The following GALNT10 variants were observed in gnomAD, a reference collection of about 807,000 sequenced individuals.
GALNT10 encodes the protein polypeptide N-acetylgalactosaminyltransferase 10.
Under a neutral mutation model 75.0 loss-of-function variants are expected in GALNT10, and 41 were observed. The observed-to-expected ratio is 0.55, with a 90% CI of 0.43 to 0.71. GALNT10 has a LOEUF of 0.71. Ranked by LOEUF, GALNT10 falls within the 30% of genes least tolerant of loss-of-function variation. GALNT10 has a pLI of 0.00. For missense variants in GALNT10, 727 were observed against 818.5 expected (o/e 0.89, Z 1.36); for synonymous variants, 302 against 313.0 (o/e 0.96, Z 0.37).
Position 154,416,727 on chromosome 5 carries a change from C to A in GALNT10, c.1654-87C>A. ...ACAGCTAGTCAGTCAGTCACTTCCT[C>A]ACTTTCTCATTGCTGGTATTGTTGC... is the stretch of plus-strand genomic sequence containing the variant. On this transcript the variant is annotated intron_variant, in intron 11 of 11. Transcript: ENST00000297107. The surrounding 1 kb of genome is among the most constrained non-coding windows in gnomAD (Gnocchi z 4.5). 1 of 958,404 alleles carries A rather than the reference C, an allele frequency of 1.0e-6. No homozygotes were observed. Among genetic ancestry groups the A allele is most frequent in the Non-Finnish European group, 1.7e-6 (1 of 597,862 alleles). The allele number at this position is 958,404 out of a possible 1,614,324, so 59.4% of individuals were successfully genotyped here. A position where few individuals can be genotyped will look rare whatever the true frequency, so the allele number is the denominator to read the frequency against.
intron 1 of GALNT10, among the ~76,000 whole-genome samples, chr5:154,254,565 G>C (rs1381059471): frequency 6.7e-6 from 1 of 150,192 alleles, no homozygotes; most frequent in Non-Finnish European, 1.5e-5. Context: ...ATTCCTGAAA[G>C]AGGGATAACA....
chr5:154,212,881 T>C (rs532146129), intron 1 of GALNT10, among the ~76,000 whole-genome samples: 1 of 150,652 alleles, frequency 6.6e-6, no homozygotes, highest in East Asian at 2.0e-4. Context: ...GGCAGGGGAA[T>C]GGCGTGAACC....
At chr5:154,382,360 T>C (rs755952524) in intron 6 of GALNT10, among the ~76,000 whole-genome samples, 6 of 152,254 alleles carry the variant, frequency 3.9e-5, no homozygotes, top group Admixed American at 6.5e-5. Context: ...AGTTGATCAC[T>C]ACTATTAGAT....
At chr5:154,363,347 A>G (rs1755420598) in intron 4 of GALNT10, among the ~76,000 whole-genome samples, 2 of 152,124 alleles carry the variant, frequency 1.3e-5, no homozygotes, top group Non-Finnish European at 2.9e-5. Context: ...AAGACTTTCC[A>G]TTTTAGAAAG....
At chr5:154,264,661 T>C (rs982244629) in intron 1 of GALNT10, among the ~76,000 whole-genome samples, 1 of 152,220 alleles carries the variant, frequency 6.6e-6, no homozygotes. Context: ...TAACACATAG[T>C]ATTTTTACAA....
chr5:154,296,220 G>C (rs1744740808), intron 2 of GALNT10, among the ~76,000 whole-genome samples: 1 of 152,156 alleles, frequency 6.6e-6, no homozygotes, highest in African/African-American at 2.4e-5. Context: ...CCAAGTAGCT[G>C]GGATTACAGA....
At chr5:154,270,590 T>C (rs966452971) in intron 1 of GALNT10, among the ~76,000 whole-genome samples, 1 of 152,262 alleles carries the variant, frequency 6.6e-6, no homozygotes. Context: ...CGCTTTCCTA[T>C]GCATGTTGCC....
At chr5:154,319,760 T>C (rs974952367) in intron 3 of GALNT10, among the ~76,000 whole-genome samples, 1 of 152,232 alleles carries the variant, frequency 6.6e-6, no homozygotes, top group African/African-American at 2.4e-5. Context: ...TTGTTTATCA[T>C]ACACAAAAGA....
intron 1 of GALNT10, among the ~76,000 whole-genome samples, chr5:154,223,343 C>T (rs1753011348): frequency 6.6e-6 from 1 of 152,210 alleles, no homozygotes; most frequent in Admixed American, 6.5e-5. Flanking sequence ...TAAGTCACTT[C>T]CCCAGTTCGT....
At chr5:154,328,398 C>T (rs1340874988) in intron 3 of GALNT10, among the ~76,000 whole-genome samples, 1 of 152,212 alleles carries the variant, frequency 6.6e-6, no homozygotes, top group East Asian at 1.9e-4. Flanking sequence ...CCAGTTTATT[C>T]TTCCAAACTC....
chr5:154,339,694 T>C (rs2113129367), intron 4 of GALNT10, among the ~76,000 whole-genome samples: 1 of 152,360 alleles, frequency 6.6e-6, no homozygotes, highest in Middle Eastern at 3.4e-3. Flanking sequence ...GTGATGCTTC[T>C]ATTGACGTGG....
intron 4 of GALNT10, among the ~76,000 whole-genome samples, chr5:154,367,870 A>AG (rs1415258628): frequency 6.6e-6 from 1 of 152,024 alleles, no homozygotes; most frequent in East Asian, 1.9e-4. Flanking sequence ...AAAAAAAAAA[A>AG]AAGAGAGAGA....
At chr5:154,263,786 GC>G (rs1753736051) in intron 1 of GALNT10, among the ~76,000 whole-genome samples, 1 of 152,014 alleles carries the variant, frequency 6.6e-6, no homozygotes, top group Admixed American at 6.6e-5. Context: ...ACTCCCAAAG[GC>G]CCTACCTCCT....
intron 1 of GALNT10, among the ~76,000 whole-genome samples, chr5:154,228,193 T>C: frequency 6.6e-6 from 1 of 152,202 alleles, no homozygotes; most frequent in Admixed American, 6.5e-5. Flanking sequence ...AAACCTCTTC[T>C]CTTTATAAAT....
intron 1 of GALNT10, among the ~76,000 whole-genome samples, chr5:154,223,666 T>C (rs1753018999): frequency 6.6e-6 from 1 of 151,504 alleles, no homozygotes; most frequent in Non-Finnish European, 1.5e-5. Context: ...ACACCTGTAA[T>C]CCCAGCACTG....
chr5:154,277,365 G>A (rs1341841632), intron 1 of GALNT10, among the ~76,000 whole-genome samples: 3 of 151,928 alleles, frequency 2.0e-5, no homozygotes, highest in South Asian at 2.1e-4. Flanking sequence ...CAAGTCTCTC[G>A]AAGCTTGGAC....
chr5:154,272,182 G>A (rs547842290), intron 1 of GALNT10, among the ~76,000 whole-genome samples: 3 of 152,122 alleles, frequency 2.0e-5, no homozygotes, highest in South Asian at 2.1e-4. Flanking sequence ...AGGTCTTTTC[G>A]CCAAGAAGCG....
chr5:154,347,334 T>TA, intron 4 of GALNT10: 1 of 424,544 alleles, frequency 2.4e-6, no homozygotes, highest in South Asian at 1.9e-5. Flanking sequence ...TACTTCCTGT[T>TA]ACCTCCTATG....
At chr5:154,253,706 C>CTTTT (rs33933907) in intron 1 of GALNT10, among the ~76,000 whole-genome samples, 91 of 72,628 alleles carry the variant, frequency 1.3e-3, no homozygotes, top group Middle Eastern at 9.8e-3. Flanking sequence ...AAAGCCTCCT[C>CTTTT]TTTTTTTTTT....
Sources: gnomAD v4.1 joint callset for allele counts (sites outside exome capture counted in the v4.1 genomes callset) on GRCh38, gnomAD v4.1.1 for gene constraint, Gnocchi (gnomAD v3.1) non-coding constraint, MANE v1.5 for transcripts, NCBI Gene and HGNC (gene_info 2026-07-23, HGNC 2026-07-21) for gene names.